PRKN: variants seen among roughly 807,000 people sequenced by gnomAD.
PRKN encodes E3 ubiquitin-protein ligase parkin.
PRKN carries 56 observed loss-of-function variants against 59.5 expected under a neutral mutation model. The ratio of observed to expected loss-of-function variants is 0.94; its 90% CI spans 0.76 to 1.18. The LOEUF (loss-of-function observed/expected upper bound fraction) is 1.18. PRKN is among the 50% of genes most tolerant of loss of function. The pLI is 0.00. For missense variants in PRKN, 657 were observed against 596.4 expected, an observed-to-expected ratio of 1.10 and a Z score of -1.06; for synonymous variants, 250 against 222.1, an observed-to-expected ratio of 1.13 and a Z score of -1.12.
intron 7 of PRKN, among the ~76,000 whole-genome samples, chr6:161,668,052 GT>G (rs1225612507): frequency 6.6e-6 from 1 of 152,092 alleles, no homozygotes; most frequent in Non-Finnish European, 1.5e-5. Context: ...CTTGATGTAT[GT>G]TTTCTTAATT....
intron 2 of PRKN, among the ~76,000 whole-genome samples, chr6:162,385,044 A>T (rs979734630): frequency 3.3e-5 from 5 of 151,912 alleles, no homozygotes; most frequent in African/African-American, 1.2e-4. Flanking sequence ...CCCCTCATGA[A>T]ATTTAACTCC....
At chr6:161,776,000 A>G (rs1231846545) in intron 7 of PRKN, among the ~76,000 whole-genome samples, 2 of 152,212 alleles carry the variant, frequency 1.3e-5, no homozygotes, top group African/African-American at 4.8e-5. Flanking sequence ...AACAAAAGGC[A>G]AAAACATAAC....
intron 6 of PRKN, among the ~76,000 whole-genome samples, chr6:161,917,362 T>C (rs1003898027): frequency 1.3e-5 from 2 of 152,286 alleles, no homozygotes; most frequent in Middle Eastern, 3.4e-3. Context: ...TACCTCGTCA[T>C]CCCAAAGTGT....
chr6:162,126,186 A>G (rs1361480389), intron 4 of PRKN, among the ~76,000 whole-genome samples: 1 of 152,228 alleles, frequency 6.6e-6, no homozygotes, highest in East Asian at 1.9e-4. Flanking sequence ...CATGCTTATC[A>G]CTGCAGAAAC....
chr6:162,215,661 T>C (rs1031836074), intron 3 of PRKN, among the ~76,000 whole-genome samples: 6 of 152,006 alleles, frequency 3.9e-5, no homozygotes, highest in Non-Finnish European at 7.4e-5. Context: ...ATTAAGACTA[T>C]TGAAATTATT....
intron 6 of PRKN, among the ~76,000 whole-genome samples, chr6:161,808,489 G>A (rs1277010763): frequency 6.6e-6 from 1 of 152,164 alleles, no homozygotes; most frequent in Non-Finnish European, 1.5e-5. Flanking sequence ...TAACGTGTGT[G>A]TGTTGAAAGA....
intron 1 of PRKN, among the ~76,000 whole-genome samples, chr6:162,609,242 T>C (rs757256429): frequency 1.4e-4 from 21 of 152,232 alleles, no homozygotes; most frequent in Non-Finnish European, 2.4e-4. Context: ...TCAAGTCTTT[T>C]GGTACCCAGA....
intron 1 of PRKN, among the ~76,000 whole-genome samples, chr6:162,707,580 T>G (rs908911452): frequency 3.3e-5 from 5 of 151,782 alleles, no homozygotes; most frequent in African/African-American, 1.2e-4. Flanking sequence ...ATCACTATTT[T>G]TTTTTTTTTT....
At chr6:162,339,969 TA>T (rs1784094021) in intron 2 of PRKN, among the ~76,000 whole-genome samples, 1 of 147,902 alleles carries the variant, frequency 6.8e-6, no homozygotes. Flanking sequence ...CACCAATCCC[TA>T]ATCTCAAGTA....
chr6:161,667,164 T>A (rs1378795135), intron 7 of PRKN, among the ~76,000 whole-genome samples: 1 of 152,124 alleles, frequency 6.6e-6, no homozygotes, highest in African/African-American at 2.4e-5. Context: ...CAATCCACCA[T>A]ATAGAAAACT....
At chr6:161,380,431 T>TC (rs1582996822) in intron 10 of PRKN, among the ~76,000 whole-genome samples, 1 of 147,930 alleles carries the variant, frequency 6.8e-6, no homozygotes, top group African/African-American at 2.5e-5. Context: ...TCTATCTTTT[T>TC]TTTTTTTTTT....
intron 6 of PRKN, among the ~76,000 whole-genome samples, chr6:161,857,168 G>T (rs1793691332): frequency 6.6e-6 from 1 of 152,200 alleles, no homozygotes. Context: ...GGCAGAAGTT[G>T]CAGTGAGCCA....
chr6:161,449,255 T>C (rs1789621672), intron 9 of PRKN, among the ~76,000 whole-genome samples: 1 of 152,190 alleles, frequency 6.6e-6, no homozygotes, highest in Non-Finnish European at 1.5e-5. Context: ...CGATTTAGCA[T>C]GTCCTCTAAG....
rs118173104 is a variant in PRKN, at chr6:162,487,698, C to T, written c.8-44225G>A. Among the ~76,000 whole-genome samples the T allele has an allele frequency of 9.9e-3, 1,498 of 152,072 alleles. 18 individuals carry two copies. The highest frequency in any genetic ancestry group is 0.037 in the Middle Eastern group (11 of 294). On this transcript the variant is annotated intron_variant, in intron 1 of 11. Transcript: ENST00000366898. ...GAATTTTTTTTTTAAGTGAAGAATT[C>T]AACATAGAAACAACTATTATTTGTT...
Position 162,230,039 on chromosome 6 carries a change from G to C in PRKN, c.413-28787C>G, listed in dbSNP as rs143327372. 4.3e-4 allele frequency among the ~76,000 whole-genome samples: 66 copies of C among 152,254 alleles called. 1 individual carries two copies. The East Asian group carries it at 0.011, about 26-fold the overall frequency. ...TTCCTTTATTGAAGGAAACATAATT[G>C]AATGTGCATCCCTTTTCACAGCCTG... On this transcript the variant is annotated intron_variant, in intron 3 of 11. Transcript: ENST00000366898.
intron 9 of PRKN, among the ~76,000 whole-genome samples, chr6:161,455,250 GC>G (rs1476168536): frequency 6.6e-6 from 1 of 151,918 alleles, no homozygotes; most frequent in Non-Finnish European, 1.5e-5. Flanking sequence ...TCTTGGCCAG[GC>G]TGGTCTTGAA....
intron 4 of PRKN, among the ~76,000 whole-genome samples, chr6:162,110,014 T>G (rs1583045809): frequency 6.6e-6 from 1 of 152,366 alleles, no homozygotes; most frequent in East Asian, 1.9e-4. Flanking sequence ...GTGTTTTACT[T>G]AACACTATGT....
intron 7 of PRKN, among the ~76,000 whole-genome samples, chr6:161,738,132 T>G (rs1788041568): frequency 6.6e-6 from 1 of 152,200 alleles, no homozygotes; most frequent in South Asian, 2.1e-4. Flanking sequence ...TGATTTCCTC[T>G]TCTTTATTTT....
chr6:162,296,086 C>T (rs1414886221), intron 2 of PRKN, among the ~76,000 whole-genome samples: 3 of 151,748 alleles, frequency 2.0e-5, no homozygotes, highest in African/African-American at 7.3e-5. Context: ...AATTTAAAAA[C>T]AAAAACAAAG....
Sources: allele counts gnomAD v4.1 joint callset (sites outside exome capture counted in the v4.1 genomes callset), GRCh38; gene constraint gnomAD v4.1.1; transcripts MANE v1.5; gene names NCBI Gene and HGNC (gene_info 2026-07-23, HGNC 2026-07-21).